The following FBXO31 variants were observed in gnomAD, a reference collection of about 807,000 sequenced individuals.
FBXO31 encodes F-box protein 31.
A neutral mutation model predicts 54.4 loss-of-function variants in FBXO31; 24 were observed. The observed-to-expected ratio is 0.44, with a 90% CI of 0.32 to 0.62. FBXO31 has a LOEUF of 0.62. Ranked by LOEUF, FBXO31 falls within the 20% of genes least tolerant of loss-of-function variation. The probability of loss-of-function intolerance (pLI) is 0.05; values close to 1 mark genes in which losing one functional copy is unlikely to be tolerated. For synonymous variants in FBXO31, 388 were observed against 335.6 expected (o/e 1.16, Z -1.71); for missense variants, 665 against 787.1 (o/e 0.84, Z 1.86).
At chr16:87,341,454 G>C (rs1381315478) in intron 5 of FBXO31, among the ~76,000 whole-genome samples, 1 of 151,958 alleles carries the variant, frequency 6.6e-6, no homozygotes, top group African/African-American at 2.4e-5. Context: ...TCAGGAGTTC[G>C]AGACCAGCCT....
intron 1 of FBXO31, among the ~76,000 whole-genome samples, chr16:87,380,167 G>A (rs1158852669): frequency 1.3e-5 from 2 of 150,670 alleles, no homozygotes; most frequent in African/African-American, 2.4e-5. Context: ...GCATAGTGGC[G>A]GGCGCCTGTA....
rs536622020 is a variant in FBXO31 at position 87,358,967 on chromosome 16, G to A, written c.412+1328C>T. The stretch of plus-strand genomic sequence containing the variant: ...GCCAGCCTCGTCACAGGTCATCCAA[G>A]GTTGCCCAACTACACCACCCGTTTC... On this transcript the variant is annotated intron_variant, in intron 2 of 8. Transcript: ENST00000311635. This position sits in a 1 kb window ranked among gnomAD's most constrained non-coding sequence, Gnocchi z 4.0. Among the ~76,000 whole-genome samples the A allele has an allele frequency of 6.6e-6, 1 of 152,180 alleles. No homozygotes were observed. The highest frequency in any genetic ancestry group is 6.6e-5 in the Admixed American group (1 of 15,266).
rs1351093428 is a variant in FBXO31 at position 87,383,246 on chromosome 16, G to T, written c.340+159C>A. 6.6e-6 allele frequency among the ~76,000 whole-genome samples: 1 copy of T among 151,560 alleles called. No individual in the cohort carries two copies. The highest frequency in any genetic ancestry group is 1.9e-4 in the East Asian group (1 of 5,134). The stretch of plus-strand genomic sequence containing the variant: ...GGCCCCCTCAACGTGGTGTCACCGC[G>T]GCCGCTCCCCACCCACACCCAAAAC... On this transcript the variant is annotated intron_variant, in intron 1 of 8. Coordinates refer to ENST00000311635, the MANE Select transcript of FBXO31 (RefSeq NM_024735.5). The surrounding 1 kb of genome is among the most constrained non-coding windows in gnomAD (Gnocchi z 4.9).
At chr16:87,340,956 C>T (rs1045241414) in intron 5 of FBXO31, among the ~76,000 whole-genome samples, 12 of 152,118 alleles carry the variant, frequency 7.9e-5, no homozygotes, top group Admixed American at 3.3e-4. Context: ...ACTTGAAACC[C>T]GCCAACACCA....
chr16:87,364,380 G>A (rs569940512), intron 1 of FBXO31, among the ~76,000 whole-genome samples: 1 of 152,234 alleles, frequency 6.6e-6, no homozygotes, highest in Non-Finnish European at 1.5e-5. Context: ...GCAGCAGCCA[G>A]CAGGCCCTGG....
chr16:87,332,796 A>G (rs1597356587), intron 8 of FBXO31, among the ~76,000 whole-genome samples: 1 of 151,982 alleles, frequency 6.6e-6, no homozygotes, highest in Admixed American at 6.6e-5. Flanking sequence ...GTTTAGCGGG[A>G]AATACAGACA....
At chr16:87,364,237 C>G (rs1290374485) in intron 1 of FBXO31, among the ~76,000 whole-genome samples, 1 of 152,238 alleles carries the variant, frequency 6.6e-6, no homozygotes, top group African/African-American at 2.4e-5. Flanking sequence ...CACAAGACGC[C>G]TCACCGCACA....
intron 8 of FBXO31, among the ~76,000 whole-genome samples, chr16:87,333,332 C>T (rs534945481): frequency 6.6e-5 from 10 of 152,312 alleles, no homozygotes; most frequent in East Asian, 1.9e-4. Context: ...GGCACTGGCC[C>T]GGCACAGCAG....
intron 3 of FBXO31, among the ~76,000 whole-genome samples, chr16:87,344,465 C>G (rs1189246885): frequency 6.6e-6 from 1 of 152,176 alleles, no homozygotes; most frequent in African/African-American, 2.4e-5. Context: ...TAAGGAAGGA[C>G]AGCCTAGCCT....
chr16:87,370,073 G>A (rs1429937788), intron 1 of FBXO31, among the ~76,000 whole-genome samples: 2 of 152,168 alleles, frequency 1.3e-5, no homozygotes, highest in African/African-American at 4.8e-5. Context: ...CGTCCCTGCA[G>A]CACAGGCCTG....
At chr16:87,341,401 A>T (rs1360687640) in intron 5 of FBXO31, among the ~76,000 whole-genome samples, 1 of 152,164 alleles carries the variant, frequency 6.6e-6, no homozygotes, top group African/African-American at 2.4e-5. Flanking sequence ...CACACCTGTA[A>T]TCCCGGCACT....
chr16:87,377,183 G>A (rs1408611728), intron 1 of FBXO31, among the ~76,000 whole-genome samples: 1 of 152,230 alleles, frequency 6.6e-6, no homozygotes. Flanking sequence ...GGTGGCTCAC[G>A]CCAGTAATCC....
At chr16:87,337,215 C>T (rs948721998) in intron 5 of FBXO31, among the ~76,000 whole-genome samples, 3 of 152,166 alleles carry the variant, frequency 2.0e-5, no homozygotes, top group Admixed American at 2.0e-4. Context: ...AAACATAAGA[C>T]TTGGGAATAA....
chr16:87,357,243 C>CAA (rs1287175650), intron 2 of FBXO31, among the ~76,000 whole-genome samples: 1 of 128,134 alleles, frequency 7.8e-6, no homozygotes, highest in Non-Finnish European at 1.7e-5. Context: ...GACCCTGTCT[C>CAA]AAAAAAAAAA....
intron 1 of FBXO31, among the ~76,000 whole-genome samples, chr16:87,373,779 C>T (rs749045855): frequency 2.6e-5 from 4 of 152,224 alleles, no homozygotes; most frequent in Non-Finnish European, 5.9e-5. Context: ...TAACCAAAGC[C>T]ATAGCTCTCA....
chr16:87,363,105 C>T lies in FBXO31; in HGVS notation c.341-2739G>A, dbSNP rs141029627. 2.0e-5 allele frequency among the ~76,000 whole-genome samples: 3 copies of T among 151,930 alleles called. No homozygotes were observed. In the South Asian group the frequency reaches 6.3e-4, roughly 32 times the overall value. ...GTGCAGGTTAAAAATAAAACAAAAG[C>T]CGGGCGCGGTGGCTCATGCCTGTAA... On this transcript the variant is annotated intron_variant, in intron 1 of 8. Transcript: ENST00000311635.
At chr16:87,384,774 C>T (rs1907267207), upstream of FBXO31, among the ~76,000 whole-genome samples, 1 of 152,230 alleles carries the variant, frequency 6.6e-6, no homozygotes, top group South Asian at 2.1e-4. Flanking sequence ...ACGGGAGGAT[C>T]GCTTGATCCC....
chr16:87,359,758 C>T (rs987196533), intron 2 of FBXO31, among the ~76,000 whole-genome samples: 1 of 152,190 alleles, frequency 6.6e-6, no homozygotes, highest in Non-Finnish European at 1.5e-5. Flanking sequence ...AGCCTGGGGC[C>T]AAGGAGCCTC....
intron 1 of FBXO31, among the ~76,000 whole-genome samples, chr16:87,362,917 CT>C (rs964514252): frequency 6.6e-6 from 1 of 152,212 alleles, no homozygotes; most frequent in African/African-American, 2.4e-5. Context: ...TCAGGGACCC[CT>C]GTCTTTACTA....
Sources: allele counts gnomAD v4.1 joint callset (sites outside exome capture counted in the v4.1 genomes callset), GRCh38; gene constraint gnomAD v4.1.1; non-coding constraint Gnocchi (gnomAD v3.1); transcripts MANE v1.5; gene names NCBI Gene and HGNC (gene_info 2026-07-23, HGNC 2026-07-21).